Variants in LRP1B observed in about 807,000 individuals in gnomAD.
The protein encoded by LRP1B is LDL receptor related protein 1B.
A neutral mutation model predicts 556.6 loss-of-function variants in LRP1B; 217 were observed. That is an observed-to-expected ratio of 0.39 (90% CI 0.35 to 0.44). The LOEUF (loss-of-function observed/expected upper bound fraction) is 0.44. Among genes scored for constraint, LRP1B ranks in the 20% least tolerant of loss-of-function variants. The pLI is 1.00. For missense variants in LRP1B, 5,053 were observed against 5,620.8 expected (o/e 0.90, Z 3.23); for synonymous variants, 2,047 against 1,865.8 (o/e 1.10, Z -2.50).
At position 140,766,428 on chromosome 2, in the gene LRP1B, C is replaced by G. The variant is rs372269580; in HGVS notation, c.5758+2785G>C. 6.5e-4 allele frequency among the ~76,000 whole-genome samples: 99 copies of G among 152,012 alleles called. No homozygotes were observed. In the South Asian group the frequency reaches 0.017, roughly 27 times the overall value. The stretch of plus-strand genomic sequence containing the variant: ...AAAACACAGTTAATAAAGGATCAGA[C>G]TGTAAAGTAGATGGAAGTAACACAA... On this transcript the variant is annotated intron_variant, in intron 35 of 90. Coordinates refer to ENST00000389484, the MANE Select transcript of LRP1B (RefSeq NM_018557.3).
intron 21 of LRP1B, among the ~76,000 whole-genome samples, chr2:140,917,134 A>G (rs1426469492): frequency 6.6e-6 from 1 of 152,226 alleles, no homozygotes; most frequent in African/African-American, 2.4e-5. Flanking sequence ...AAATTAAAAC[A>G]ATAATGAGAT....
At chr2:141,220,817 C>G (rs1342458937) in intron 6 of LRP1B, among the ~76,000 whole-genome samples, 1 of 150,664 alleles carries the variant, frequency 6.6e-6, no homozygotes. Flanking sequence ...CATTATCAGC[C>G]ATACTAAGCT....
intron 62 of LRP1B, among the ~76,000 whole-genome samples, chr2:140,454,895 C>T (rs1687034205): frequency 6.6e-6 from 1 of 152,084 alleles, no homozygotes; most frequent in African/African-American, 2.4e-5. Flanking sequence ...TTTTAGTTGG[C>T]TATTAAGTCA....
intron 3 of LRP1B, among the ~76,000 whole-genome samples, chr2:141,314,847 C>CAT (rs1291065621): frequency 2.7e-5 from 3 of 110,890 alleles, no homozygotes; most frequent in Non-Finnish European, 3.8e-5. Flanking sequence ...TATATATACA[C>CAT]ATATATATAC....
At chr2:140,687,601 A>C (rs892486792) in intron 41 of LRP1B, among the ~76,000 whole-genome samples, 1 of 151,982 alleles carries the variant, frequency 6.6e-6, no homozygotes, top group African/African-American at 2.4e-5. Context: ...AAGTTCTTTT[A>C]ATATACTCTT....
chr2:141,621,730 TCTTTCA>T (rs1301948956), intron 2 of LRP1B, among the ~76,000 whole-genome samples: 1 of 152,200 alleles, frequency 6.6e-6, no homozygotes, highest in Non-Finnish European at 1.5e-5. Flanking sequence ...CAGAGATATT[TCTTTCA>T]CAATTTTGAG....
intron 11 of LRP1B, among the ~76,000 whole-genome samples, chr2:141,030,455 A>C (rs923217307): frequency 2.6e-5 from 4 of 152,142 alleles, no homozygotes; most frequent in African/African-American, 9.6e-5. Context: ...ACAAATTACA[A>C]ATAACTTAAT....
In LRP1B at chr2:141,448,475, C is replaced by A. The variant is rs747976820; in HGVS notation, c.343+31921G>T. Among the ~76,000 whole-genome samples the A allele has an allele frequency of 2.0e-5, 3 of 152,284 alleles. No individual in the cohort carries two copies. The East Asian group carries it at 5.8e-4, about 29-fold the overall frequency. On this transcript the variant is annotated intron_variant, in intron 3 of 90. Coordinates refer to ENST00000389484, the MANE Select transcript of LRP1B (RefSeq NM_018557.3). ...AGCACTGGGATATGAAAAACAAACT[C>A]GTGTAGCTAGCTTGGTGTCTGCCTA... is the stretch of plus-strand genomic sequence containing the variant.
At chr2:140,842,269 C>A (rs983025081) in intron 29 of LRP1B, among the ~76,000 whole-genome samples, 67 of 152,256 alleles carry the variant, frequency 4.4e-4, no homozygotes, top group African/African-American at 1.6e-3. Context: ...TGTAAGACAG[C>A]AAAACAAGAT....
chr2:141,846,504 G>A (rs1330562005), intron 1 of LRP1B, among the ~76,000 whole-genome samples: 1 of 151,378 alleles, frequency 6.6e-6, no homozygotes, highest in African/African-American at 2.4e-5. Flanking sequence ...AAAAAAATGT[G>A]GGGAGCTATT....
At chr2:141,278,786 T>C (rs1487612719) in intron 3 of LRP1B, among the ~76,000 whole-genome samples, 2 of 152,180 alleles carry the variant, frequency 1.3e-5, no homozygotes, top group Admixed American at 1.3e-4. Flanking sequence ...CTTCTGTTTA[T>C]CTTTTGGGGG....
chr2:141,620,890 G>T (rs1370517229), intron 2 of LRP1B, among the ~76,000 whole-genome samples: 1 of 151,530 alleles, frequency 6.6e-6, no homozygotes, highest in African/African-American at 2.4e-5. Context: ...CCAGACATTG[G>T]CAGAAACCCA....
At chr2:140,510,880 C>A (rs1273216523) in intron 51 of LRP1B, among the ~76,000 whole-genome samples, 2 of 152,028 alleles carry the variant, frequency 1.3e-5, no homozygotes, top group Non-Finnish European at 2.9e-5. Flanking sequence ...TGTCAAATGG[C>A]CCTCCCTCAT....
At chr2:140,677,961 T>C (rs958548303) in intron 41 of LRP1B, among the ~76,000 whole-genome samples, 1 of 151,946 alleles carries the variant, frequency 6.6e-6, no homozygotes, top group African/African-American at 2.4e-5. Flanking sequence ...ATGCACTTGC[T>C]ATGTTGTGAT....
intron 29 of LRP1B, among the ~76,000 whole-genome samples, chr2:140,842,058 G>A (rs1055378359): frequency 2.0e-5 from 3 of 152,182 alleles, no homozygotes; most frequent in Admixed American, 6.5e-5. Context: ...TTCTAATTCA[G>A]TAGTTCTGGG....
At chr2:141,613,255 GCA>G (rs1304235474) in intron 2 of LRP1B, among the ~76,000 whole-genome samples, 3 of 151,990 alleles carry the variant, frequency 2.0e-5, no homozygotes, top group African/African-American at 7.3e-5. Flanking sequence ...GAATGTAGGA[GCA>G]CACTATAGCT....
chr2:141,109,006 T>G (rs746553734), intron 7 of LRP1B, among the ~76,000 whole-genome samples: 1 of 152,196 alleles, frequency 6.6e-6, no homozygotes, highest in Non-Finnish European at 1.5e-5. Flanking sequence ...ATTCTGAGGT[T>G]GCAAGATTTG....
chr2:140,670,376 T>C (rs1398052260), intron 41 of LRP1B, among the ~76,000 whole-genome samples: 3 of 152,192 alleles, frequency 2.0e-5, no homozygotes, highest in Non-Finnish European at 2.9e-5. Context: ...AGTGATTTAA[T>C]AGCCTCCGCA....
intron 3 of LRP1B, among the ~76,000 whole-genome samples, chr2:141,436,365 T>C (rs1032920236): frequency 6.6e-6 from 1 of 152,114 alleles, no homozygotes; most frequent in African/African-American, 2.4e-5. Flanking sequence ...TCTAAAAGCA[T>C]TGAACTCATA....
Sources: gnomAD v4.1 joint callset for allele counts (sites outside exome capture counted in the v4.1 genomes callset) on GRCh38, gnomAD v4.1.1 for gene constraint, MANE v1.5 for transcripts, NCBI Gene and HGNC (gene_info 2026-07-23, HGNC 2026-07-21) for gene names.